The following WWOX variants were observed in gnomAD, a reference collection of about 807,000 sequenced individuals.
WWOX encodes WW domain containing oxidoreductase.
Under a neutral mutation model 46.2 loss-of-function variants are expected in WWOX, and 69 were observed. The ratio of observed to expected loss-of-function variants is 1.49; its 90% CI spans 1.23 to 1.82. The LOEUF (loss-of-function observed/expected upper bound fraction) is 1.82, where lower values mean the gene tolerates loss of function less well. Among genes scored for constraint, WWOX ranks in the 40% most tolerant of loss-of-function variants. WWOX has a pLI of 0.00. For synonymous variants in WWOX, 359 were observed against 202.6 expected, an observed-to-expected ratio of 1.77 and a Z score of -6.56; for missense variants, 919 against 542.6, an observed-to-expected ratio of 1.69 and a Z score of -6.89.
At chr16:78,141,430 CTTTTTTTT>C (rs10639685) in intron 4 of WWOX, among the ~76,000 whole-genome samples, 1 of 118,964 alleles carries the variant, frequency 8.4e-6, no homozygotes, top group South Asian at 2.8e-4. Flanking sequence ...CATCCCCCTT[CTTTTTTTT>C]TTTTTTTTTT....
intron 8 of WWOX, among the ~76,000 whole-genome samples, chr16:78,724,151 T>C (rs1221185409): frequency 1.3e-5 from 2 of 152,198 alleles, no homozygotes; most frequent in African/African-American, 4.8e-5. Flanking sequence ...AGCCAGTCTT[T>C]GCCACATCCC....
At chr16:78,295,612 G>T (rs752607108) in intron 5 of WWOX, among the ~76,000 whole-genome samples, 1 of 152,210 alleles carries the variant, frequency 6.6e-6, no homozygotes, top group Non-Finnish European at 1.5e-5. Flanking sequence ...TCAGGAGGCT[G>T]AGATGGGAGA....
At chr16:78,548,613 G>T (rs577384267) in intron 8 of WWOX, among the ~76,000 whole-genome samples, 27 of 152,224 alleles carry the variant, frequency 1.8e-4, no homozygotes, top group African/African-American at 5.8e-4. Flanking sequence ...CTGATGGGCC[G>T]GTTGACTCTA....
At chr16:78,448,566 G>T (rs767916482) in intron 8 of WWOX, among the ~76,000 whole-genome samples, 8 of 152,114 alleles carry the variant, frequency 5.3e-5, no homozygotes, top group Non-Finnish European at 1.2e-4. Flanking sequence ...ACCGAAAGTA[G>T]TGTCAAGCAG....
chr16:78,711,758 A>C (rs1286827925), intron 8 of WWOX, among the ~76,000 whole-genome samples: 1 of 152,170 alleles, frequency 6.6e-6, no homozygotes, highest in East Asian at 1.9e-4. Context: ...ATGAGTATTG[A>C]CCAGTGTTAA....
In WWOX at chr16:79,211,971, C is replaced by G. The variant is rs151232564; in HGVS notation, c.*175C>G. Reference sequence around the variant, plus strand: ...AAGTACCAATGGGAAGCAGGGAATTCCTGGGGTAAAGTATCACTTTTCTGG... The same window carrying G: ...AAGTACCAATGGGAAGCAGGGAATTGCTGGGGTAAAGTATCACTTTTCTGG... On this transcript the variant is annotated 3_prime_UTR_variant, in exon 9 of 9. Coordinates refer to ENST00000566780, the MANE Select transcript of WWOX (RefSeq NM_016373.4). The G allele has an allele frequency of 1.3e-6, 2 of 1,532,756 alleles. No individual in the cohort carries two copies. The highest frequency in any genetic ancestry group is 4.9e-5 in the East Asian group (2 of 40,888). 94.9% of individuals were successfully genotyped at this position (1,532,756 alleles called of 1,614,324 possible).
At chr16:78,157,599 G>A (rs1467230378) in intron 4 of WWOX, among the ~76,000 whole-genome samples, 1 of 152,160 alleles carries the variant, frequency 6.6e-6, no homozygotes, top group African/African-American at 2.4e-5. Flanking sequence ...AGTATCAGAG[G>A]TCATCTTTAG....
chr16:78,478,640 G>A (rs1286766876), intron 8 of WWOX, among the ~76,000 whole-genome samples: 2 of 152,086 alleles, frequency 1.3e-5, no homozygotes, highest in Non-Finnish European at 2.9e-5. Flanking sequence ...CAGGCCACAA[G>A]GGTGCCGTTG....
At chr16:79,190,744 T>C (rs1011420682) in intron 8 of WWOX, among the ~76,000 whole-genome samples, 1 of 152,218 alleles carries the variant, frequency 6.6e-6, no homozygotes, top group African/African-American at 2.4e-5. Context: ...TAAAGTTTTA[T>C]TGGAACACAG....
At chr16:78,887,313 C>G (rs1425696073) in intron 8 of WWOX, among the ~76,000 whole-genome samples, 1 of 152,048 alleles carries the variant, frequency 6.6e-6, no homozygotes, top group Non-Finnish European at 1.5e-5. Context: ...TGCAGCCCAA[C>G]TCTATTTTAA....
chr16:78,303,744 A>G (rs1165244685), intron 5 of WWOX, among the ~76,000 whole-genome samples: 2 of 152,072 alleles, frequency 1.3e-5, no homozygotes, highest in African/African-American at 2.4e-5. Context: ...GGATTTCTGC[A>G]TGTTGGTCAG....
chr16:78,493,861 A>G (rs185363080), intron 8 of WWOX, among the ~76,000 whole-genome samples: 23 of 152,190 alleles, frequency 1.5e-4, no homozygotes, highest in African/African-American at 5.3e-4. Flanking sequence ...ATCATCGTCA[A>G]TTTTCTTTCC....
chr16:78,366,377 G>A (rs960358766), intron 5 of WWOX, among the ~76,000 whole-genome samples: 2 of 152,134 alleles, frequency 1.3e-5, no homozygotes, highest in Admixed American at 6.5e-5. Context: ...GAGACTGTTA[G>A]GCTGTTTTTT....
intron 6 of WWOX, among the ~76,000 whole-genome samples, chr16:78,412,973 G>A (rs2082717016): frequency 1.3e-5 from 2 of 152,044 alleles, no homozygotes; most frequent in African/African-American, 4.8e-5. Flanking sequence ...CTTCTGTTCT[G>A]ATTTTTCCTT....
intron 8 of WWOX, among the ~76,000 whole-genome samples, chr16:78,547,153 A>AC (rs569492658): frequency 6.9e-6 from 1 of 145,704 alleles, no homozygotes; most frequent in South Asian, 2.2e-4. Flanking sequence ...AAAAAAAAAA[A>AC]AAAAAACAAC....
At chr16:79,055,772 A>G (rs543992979) in intron 8 of WWOX, among the ~76,000 whole-genome samples, 1 of 152,306 alleles carries the variant, frequency 6.6e-6, no homozygotes. Context: ...TGGCAGTACA[A>G]AGTATATGTA....
At chr16:78,562,940 T>C (rs1248447448) in intron 8 of WWOX, among the ~76,000 whole-genome samples, 1 of 152,092 alleles carries the variant, frequency 6.6e-6, no homozygotes, top group Non-Finnish European at 1.5e-5. Context: ...AAACTCTTAC[T>C]CTGCCATATG....
At chr16:78,895,667 T>C (rs2044685368) in intron 8 of WWOX, 1 of 152,236 alleles carries the variant, frequency 6.6e-6, no homozygotes, top group Admixed American at 6.5e-5. Flanking sequence ...ATTGGTGTTT[T>C]CCTTCTACTA....
intron 8 of WWOX, among the ~76,000 whole-genome samples, chr16:78,682,238 C>T (rs1038571338): frequency 6.6e-6 from 1 of 152,180 alleles, no homozygotes; most frequent in South Asian, 2.1e-4. Context: ...CTATGCCACT[C>T]TTCTGTCATG....
Sources: gnomAD v4.1 joint callset for allele counts (sites outside exome capture counted in the v4.1 genomes callset) on GRCh38, gnomAD v4.1.1 for gene constraint, MANE v1.5 for transcripts, NCBI Gene and HGNC (gene_info 2026-07-23, HGNC 2026-07-21) for gene names.